The following TNFAIP2 variants were observed in gnomAD, a reference collection of about 807,000 sequenced individuals.
The protein encoded by TNFAIP2 is TNF alpha induced protein 2.
A neutral mutation model predicts 63.5 loss-of-function variants in TNFAIP2; 47 were observed. The ratio of observed to expected loss-of-function variants is 0.74; its 90% CI spans 0.59 to 0.94. The LOEUF (loss-of-function observed/expected upper bound fraction) is 0.94. TNFAIP2 is among the 40% of genes least tolerant of loss of function. The pLI is 0.00. For missense variants in TNFAIP2, 787 were observed against 850.2 expected, an observed-to-expected ratio of 0.93 and a Z score of 0.92; for synonymous variants, 405 against 390.2, an observed-to-expected ratio of 1.04 and a Z score of -0.45.
In TNFAIP2 at chr14:103,132,718, C is replaced by T. The variant is rs763718293; in HGVS notation, c.1423-32C>T. 14 of 1,603,490 alleles carry T rather than the reference C, an allele frequency of 8.7e-6. No homozygotes were observed. In the East Asian group the frequency reaches 1.1e-4, roughly 13 times the overall value. On this transcript the variant is annotated intron_variant, in intron 8 of 11. Coordinates refer to ENST00000560869, the MANE Select transcript of TNFAIP2 (RefSeq NM_006291.4). ...GGCTGGCAGCCCTTCCTCTCCAGGGCGTGACTAGACATCCTGCCTCTCCTG... is the reference window on the plus strand; with the variant it reads ...GGCTGGCAGCCCTTCCTCTCCAGGGTGTGACTAGACATCCTGCCTCTCCTG...
upstream of TNFAIP2, chr14:103,123,101 G>T: frequency 3.9e-6 from 1 of 257,488 alleles, no homozygotes; most frequent in South Asian, 3.3e-5. Context: ...TGTGTGACGC[G>T]GGAACGCGGC....
upstream of TNFAIP2, among the ~76,000 whole-genome samples, chr14:103,121,490 C>T (rs1891100959): frequency 3.3e-5 from 5 of 152,242 alleles, no homozygotes; most frequent in South Asian, 4.1e-4. Flanking sequence ...TCTGCATCTG[C>T]GAGAAGAGGG....
At position 103,125,642 on chromosome 14, in the gene TNFAIP2, TG is replaced by T. The variant is rs573562632; in HGVS notation, c.-148-667del. Among the ~76,000 whole-genome samples, 201 of 152,332 alleles carry T rather than the reference TG, an allele frequency of 1.3e-3. 1 individual carries two copies. The highest frequency in any genetic ancestry group is 4.5e-3 in the African/African-American group (188 of 41,558). Reference sequence around the variant, plus strand: ...GACTTCAGGCCGCCCTGTGACTTGCTGAGCCCCTTGCCCCAGTGATGTGTGA... The same window carrying T: ...GACTTCAGGCCGCCCTGTGACTTGCTAGCCCCTTGCCCCAGTGATGTGTGA... On this transcript the variant is annotated intron_variant, in intron 1 of 11. Transcript: ENST00000560869.
At chr14:103,133,339 C>A in intron 9 of TNFAIP2, 23 bp from the exon 10 acceptor site, 2 of 1,608,586 alleles carry the variant, frequency 1.2e-6, no homozygotes. Context: ...AGCTCACACG[C>A]CCCTGGCTGC....
chr14:103,135,991 A>C lies in TNFAIP2; in HGVS notation c.*631A>C, dbSNP rs1178364728. On this transcript the variant is annotated 3_prime_UTR_variant, in exon 12 of 12. Coordinates refer to ENST00000560869, the MANE Select transcript of TNFAIP2 (RefSeq NM_006291.4). The surrounding 1 kb of genome is among the most constrained non-coding windows in gnomAD (Gnocchi z 7.6). ...CACGGCCCCTACAGGCTGGCCCTGC[A>C]ATGGGGCCCTGAGCCCTCCCTCTTC... The C allele has an allele frequency of 7.8e-7, 1 of 1,288,788 alleles. No individual in the cohort carries two copies. Among genetic ancestry groups the C allele is most frequent in the Admixed American group, 2.3e-5 (1 of 43,490 alleles). 79.8% of individuals were successfully genotyped at this position (1,288,788 alleles called of 1,614,324 possible). A position where few individuals can be genotyped will look rare whatever the true frequency, so the allele number is the denominator to read the frequency against.
rs2087972431 is a variant in TNFAIP2, at chr14:103,131,507, G to A, written c.1299-132G>A. On this transcript the variant is annotated intron_variant, in intron 7 of 11. Transcript: ENST00000560869. The surrounding 1 kb of genome is among the most constrained non-coding windows in gnomAD (Gnocchi z 4.0). ...CTGAGGGCATGGAGAACATGGATGG[G>A]AGGACTTGATCCCATAGAGAATGGG... The A allele has an allele frequency of 1.6e-5, 21 of 1,281,192 alleles. No individual in the cohort carries two copies. The South Asian group carries it at 3.1e-4, about 19-fold the overall frequency. 79.4% of individuals were successfully genotyped at this position (1,281,192 alleles called of 1,614,324 possible). A position where few individuals can be genotyped will look rare whatever the true frequency, so the allele number is the denominator to read the frequency against.
At chr14:103,122,466 T>C, upstream of TNFAIP2, 1 of 340,938 alleles carries the variant, frequency 2.9e-6, no homozygotes, top group Non-Finnish European at 5.9e-6. Context: ...GGGAAATTCC[T>C]AAATGTCTGG....
At chr14:103,133,569 C>G in intron 10 of TNFAIP2, 52 bp downstream of exon 10, 1 of 1,597,894 alleles carries the variant, frequency 6.3e-7, no homozygotes, top group South Asian at 1.1e-5. Context: ...TGCCTCTTCT[C>G]CCCTAGCCCT....
chr14:103,133,309 C>A (rs551523416), intron 9 of TNFAIP2, 53 bp from the exon 10 acceptor site: 3 of 1,583,454 alleles, frequency 1.9e-6, no homozygotes, highest in East Asian at 4.5e-5. Context: ...AGGGAGGTGG[C>A]GAGCTCCCCA....
Position 103,131,637 on chromosome 14 carries a change from A to G in TNFAIP2, c.1299-2A>G. ...GGTGACCTCTCTGCCTCCACCTTCCAGGATGTCCATGGAGCAGAATTGGCA... is the reference window on the plus strand; with the variant it reads ...GGTGACCTCTCTGCCTCCACCTTCCGGGATGTCCATGGAGCAGAATTGGCA... On this transcript the variant is annotated splice_acceptor_variant, in intron 7 of 11. Coordinates refer to ENST00000560869, the MANE Select transcript of TNFAIP2 (RefSeq NM_006291.4). LOFTEE classifies it high-confidence loss of function. The surrounding 1 kb of genome is among the most constrained non-coding windows in gnomAD (Gnocchi z 4.0). 2 of 1,590,560 alleles carry G rather than the reference A, an allele frequency of 1.3e-6. No individual in the cohort carries two copies. The highest frequency in any genetic ancestry group is 1.7e-6 in the Non-Finnish European group (2 of 1,174,326).
Position 103,130,256 on chromosome 14 carries a change from G to A in TNFAIP2, c.1099-59G>A, listed in dbSNP as rs897243693. 5.3e-5 allele frequency: 81 copies of A among 1,525,152 alleles called. No homozygotes were observed. In the Admixed American group the frequency reaches 5.5e-4, roughly 10 times the overall value. 94.5% of individuals were successfully genotyped at this position (1,525,152 alleles called of 1,614,324 possible). A position where few individuals can be genotyped will look rare whatever the true frequency, so the allele number is the denominator to read the frequency against. On this transcript the variant is annotated intron_variant, in intron 5 of 11. Coordinates refer to ENST00000560869, the MANE Select transcript of TNFAIP2 (RefSeq NM_006291.4). The stretch of plus-strand genomic sequence containing the variant: ...CTCTGTTCCCGCCTGTTTCCTCCCC[G>A]TCCCCTGCCCCCTTGTCCAGGCGAG...
chr14:103,130,314 G>A lies in TNFAIP2; in HGVS notation c.1099-1G>A. 1 of 1,556,544 alleles carries A rather than the reference G, an allele frequency of 6.4e-7. No homozygotes were observed. Among genetic ancestry groups the A allele is most frequent in the East Asian group, 2.4e-5 (1 of 41,576 alleles). ...TCAGCTCACCCACCACCACCCTGCA[G>A]ATCACCTCCCAGGCCCAGGCCAAGG... On this transcript the variant is annotated splice_acceptor_variant, in intron 5 of 11. Transcript: ENST00000560869. LOFTEE classifies it high-confidence loss of function.
At chr14:103,124,843 G>A (rs542190488) in intron 1 of TNFAIP2, among the ~76,000 whole-genome samples, 20 of 152,350 alleles carry the variant, frequency 1.3e-4, no homozygotes, top group Admixed American at 7.8e-4. Flanking sequence ...GTGCCATCCA[G>A]GAGTGTGGGA....
chr14:103,135,505 G>T lies in TNFAIP2; in HGVS notation c.*145G>T. ...ACTTCTGCCTAGCCCTGGCGGAGGT[G>T]CAGGCCCTGTCAGCTGGAACTGGAC... On this transcript the variant is annotated 3_prime_UTR_variant, in exon 12 of 12. Transcript: ENST00000560869. The surrounding 1 kb of genome is among the most constrained non-coding windows in gnomAD (Gnocchi z 7.6). 1 of 1,493,892 alleles carries T rather than the reference G, an allele frequency of 6.7e-7. No homozygotes were observed. The highest frequency in any genetic ancestry group is 8.8e-7 in the Non-Finnish European group (1 of 1,130,994). 92.5% of individuals were successfully genotyped at this position (1,493,892 alleles called of 1,614,324 possible). A position where few individuals can be genotyped will look rare whatever the true frequency, so the allele number is the denominator to read the frequency against.
At chr14:103,125,117 C>T (rs558024988) in intron 1 of TNFAIP2, among the ~76,000 whole-genome samples, 1 of 152,362 alleles carries the variant, frequency 6.6e-6, no homozygotes, top group African/African-American at 2.4e-5. Flanking sequence ...AGGGCTGTTT[C>T]AGGGGTCACT....
chr14:103,131,889 G>T lies in TNFAIP2; in HGVS notation c.1422+127G>T. 1 of 1,334,050 alleles carries T rather than the reference G, an allele frequency of 7.5e-7. No homozygotes were observed. The highest frequency in any genetic ancestry group is 1.5e-5 in the South Asian group (1 of 68,812). 82.6% of individuals were successfully genotyped at this position (1,334,050 alleles called of 1,614,324 possible). A position where few individuals can be genotyped will look rare whatever the true frequency, so the allele number is the denominator to read the frequency against. On this transcript the variant is annotated intron_variant, in intron 8 of 11. Coordinates refer to ENST00000560869, the MANE Select transcript of TNFAIP2 (RefSeq NM_006291.4). The surrounding 1 kb of genome is among the most constrained non-coding windows in gnomAD (Gnocchi z 4.0). ...GAAGACACGCTCCAGGCCTGTGGAC[G>T]GCACCGTGGGCCAGCTCTGGTGCAG...
At chr14:103,128,601 C>T (rs557656171) in intron 3 of TNFAIP2, among the ~76,000 whole-genome samples, 11 of 152,120 alleles carry the variant, frequency 7.2e-5, no homozygotes, top group South Asian at 2.1e-4. Flanking sequence ...TCTGCCGTCT[C>T]GGGGGCCTTG....
chr14:103,123,212 T>C (rs1440116857), upstream of TNFAIP2, among the ~76,000 whole-genome samples: 1 of 152,068 alleles, frequency 6.6e-6, no homozygotes, highest in African/African-American at 2.4e-5. Context: ...GAACTCCACA[T>C]ACCATGCGAC....
rs1337658957 is a variant in TNFAIP2 at position 103,126,302 on chromosome 14, C to G, written c.-148-8C>G. ...GTGACCACTGATGCCTTCACCCCCA[C>G]CCCGCAGGAGCCTGCAGGCCTGAAC... On this transcript the variant is annotated splice_region_variant and splice_polypyrimidine_tract_variant and intron_variant, in intron 1 of 11. Transcript: ENST00000560869. 8.2e-6 allele frequency: 5 copies of G among 608,946 alleles called. No individual in the cohort carries two copies. Among genetic ancestry groups the G allele is most frequent in the Non-Finnish European group, 1.5e-5 (5 of 342,894 alleles). 37.7% of individuals were successfully genotyped at this position (608,946 alleles called of 1,614,324 possible).
Sources: allele counts gnomAD v4.1 joint callset (sites outside exome capture counted in the v4.1 genomes callset), GRCh38; gene constraint gnomAD v4.1.1; non-coding constraint Gnocchi (gnomAD v3.1); transcripts MANE v1.5; gene names NCBI Gene and HGNC (gene_info 2026-07-23, HGNC 2026-07-21).